ADCK1: variants seen among roughly 807,000 people sequenced by gnomAD.
The protein encoded by ADCK1 is aarF domain-containing protein kinase 1.
ADCK1 carries 41 observed loss-of-function variants against 52.3 expected under a neutral mutation model. The observed-to-expected ratio is 0.78, with a 90% confidence interval of 0.61 to 1.02. The LOEUF (loss-of-function observed/expected upper bound fraction) is 1.02, where lower values mean the gene tolerates loss of function less well. ADCK1 is among the 50% of genes least tolerant of loss of function. The probability of loss-of-function intolerance (pLI) is 0.00; values close to 1 mark genes in which losing one functional copy is unlikely to be tolerated. For missense variants in ADCK1, 658 were observed against 679.5 expected, an observed-to-expected ratio of 0.97 and a Z score of 0.35; for synonymous variants, 250 against 274.6, an observed-to-expected ratio of 0.91 and a Z score of 0.89.
intron 7 of ADCK1, among the ~76,000 whole-genome samples, chr14:77,919,471 T>G (rs2083999692): frequency 6.6e-6 from 1 of 152,284 alleles, no homozygotes; most frequent in African/African-American, 2.4e-5. Context: ...TACCACATTT[T>G]CTTTATCTAC....
At chr14:77,912,431 AGC>A (rs540889232) in intron 7 of ADCK1, among the ~76,000 whole-genome samples, 3 of 107,934 alleles carry the variant, frequency 2.8e-5, no homozygotes, top group South Asian at 3.5e-4. Flanking sequence ...ACTACGGAGG[AGC>A]GTGTGTGTGT....
At chr14:77,897,299 C>T (rs1265758060) in intron 5 of ADCK1, among the ~76,000 whole-genome samples, 1 of 152,202 alleles carries the variant, frequency 6.6e-6, no homozygotes, top group African/African-American at 2.4e-5. Context: ...GGTCAGGGCC[C>T]TTCTGTTTCC....
At chr14:77,899,360 ATCT>A (rs528420046) in intron 6 of ADCK1, 102 bp downstream of exon 6, 36 of 1,459,890 alleles carry the variant, frequency 2.5e-5, no homozygotes, top group Non-Finnish European at 3.1e-5. Context: ...TAATTGGGAC[ATCT>A]TCTTCCTGAG....
intron 3 of ADCK1, among the ~76,000 whole-genome samples, chr14:77,852,883 G>GTGTATATA (rs1555351667): frequency 1.6e-4 from 3 of 18,512 alleles, no homozygotes; most frequent in African/African-American, 2.4e-4. Flanking sequence ...TTTTATGTGT[G>GTGTATATA]TATATATATA....
chr14:77,801,459 G>C (rs1305011042), intron 1 of ADCK1, among the ~76,000 whole-genome samples: 1 of 152,122 alleles, frequency 6.6e-6, no homozygotes, highest in Non-Finnish European at 1.5e-5. Flanking sequence ...TTTATATACA[G>C]ATTTTAATGT....
intron 7 of ADCK1, among the ~76,000 whole-genome samples, chr14:77,920,787 C>T (rs1011753609): frequency 6.6e-6 from 1 of 151,998 alleles, no homozygotes; most frequent in African/African-American, 2.4e-5. Flanking sequence ...GTAGATAGAA[C>T]CATATGCATG....
intron 5 of ADCK1, among the ~76,000 whole-genome samples, chr14:77,891,756 G>A (rs1281174996): frequency 1.3e-5 from 2 of 152,150 alleles, no homozygotes; most frequent in Non-Finnish European, 2.9e-5. Flanking sequence ...GGATCATCAG[G>A]ATTAGCAGCA....
chr14:77,919,602 G>A (rs1157100875), intron 7 of ADCK1, among the ~76,000 whole-genome samples: 2 of 152,192 alleles, frequency 1.3e-5, no homozygotes, highest in Non-Finnish European at 2.9e-5. Flanking sequence ...TAGACACCCA[G>A]TAGTGGATTG....
intron 3 of ADCK1, among the ~76,000 whole-genome samples, chr14:77,838,406 T>C (rs1203966099): frequency 6.6e-6 from 1 of 152,162 alleles, no homozygotes; most frequent in Admixed American, 6.5e-5. Context: ...TCTATTATTA[T>C]TATTTTTGAG....
At position 77,899,161 on chromosome 14, in the gene ADCK1, A is replaced by C. The variant is rs766466133; in HGVS notation, c.644A>C (p.Glu215Ala). 9.9e-6 allele frequency: 16 copies of C among 1,614,206 alleles called. No individual in the cohort carries two copies. Among genetic ancestry groups the C allele is most frequent in the Middle Eastern group, 1.7e-4 (1 of 6,054 alleles). The change falls in exon 6 of 11, where the codon GAA becomes GCA. Residue 215 changes from glutamate to alanine, a missense_variant. Glu to Ala is a moderately radical substitution (Grantham distance 107). Coordinates refer to ENST00000238561, the MANE Select transcript of ADCK1 (RefSeq NM_020421.4). ...PEFEFMWLVD[E>A]AKKNLPLELD... is the part of the protein sequence containing the mutation. ...TTTGAGTTTATGTGGCTTGTGGATG[A>C]AGCCAAGAAGAACCTGCCTTTGGAG...
intron 1 of ADCK1, among the ~76,000 whole-genome samples, chr14:77,812,102 A>G (rs1404624537): frequency 6.6e-6 from 1 of 152,196 alleles, no homozygotes; most frequent in Non-Finnish European, 1.5e-5. Context: ...CAACATATCC[A>G]TCACCTCAGA....
chr14:77,897,790 T>G (rs553385800), intron 5 of ADCK1, among the ~76,000 whole-genome samples: 1 of 152,306 alleles, frequency 6.6e-6, no homozygotes, highest in East Asian at 1.9e-4. Context: ...GTAATGACAG[T>G]TACATTTGCA....
intron 3 of ADCK1, among the ~76,000 whole-genome samples, chr14:77,850,950 C>T (rs950238179): frequency 4.6e-5 from 7 of 151,414 alleles, no homozygotes; most frequent in African/African-American, 1.5e-4. Flanking sequence ...CCACCACACC[C>T]GGCCCGATGT....
At chr14:77,885,023 C>G (rs2083116697) in intron 4 of ADCK1, among the ~76,000 whole-genome samples, 1 of 152,188 alleles carries the variant, frequency 6.6e-6, no homozygotes, top group Non-Finnish European at 1.5e-5. Flanking sequence ...AATTCTTCTC[C>G]AGTGGAATAG....
At chr14:77,912,693 G>A (rs999441951) in intron 7 of ADCK1, among the ~76,000 whole-genome samples, 1 of 152,072 alleles carries the variant, frequency 6.6e-6, no homozygotes, top group African/African-American at 2.4e-5. Context: ...GTGATTAGTG[G>A]CATCTTAGCT....
chr14:77,845,846 C>T (rs1411351612), intron 3 of ADCK1, among the ~76,000 whole-genome samples: 2 of 152,200 alleles, frequency 1.3e-5, no homozygotes, highest in Non-Finnish European at 2.9e-5. Context: ...ATACCTGCTT[C>T]TCTTTCTTTT....
intron 2 of ADCK1, among the ~76,000 whole-genome samples, chr14:77,821,402 A>G (rs1198961561): frequency 6.6e-6 from 1 of 152,146 alleles, no homozygotes; most frequent in Non-Finnish European, 1.5e-5. Context: ...AGCTTTGTAG[A>G]GTGCAAAGGA....
chr14:77,900,697 A>G (rs1201754855), intron 6 of ADCK1: 1 of 427,688 alleles, frequency 2.3e-6, no homozygotes, highest in African/African-American at 2.0e-5. Context: ...TGTGTATTCC[A>G]ATGTGGCACG....
intron 10 of ADCK1, 114 bp from the exon 11 acceptor site, chr14:77,933,106 G>A (rs917737459): frequency 2.9e-6 from 3 of 1,034,220 alleles, no homozygotes; most frequent in African/African-American, 3.2e-5. Context: ...GTCCCTAGGG[G>A]CAGGGAGCTG....
Sources: gnomAD v4.1 joint callset for allele counts (sites outside exome capture counted in the v4.1 genomes callset) on GRCh38, gnomAD v4.1.1 for gene constraint, MANE v1.5 for transcripts, NCBI Gene and HGNC (gene_info 2026-07-23, HGNC 2026-07-21) for gene names.